USO1: variants seen among roughly 807,000 people sequenced by gnomAD.
USO1 encodes USO1 vesicle transport factor, also known as general vesicular transport factor p115.
Under a neutral mutation model 124.5 loss-of-function variants are expected in USO1, and 57 were observed. The ratio of observed to expected loss-of-function variants is 0.46; its 90% CI spans 0.37 to 0.57. USO1 has a LOEUF of 0.57. Ranked by LOEUF, USO1 falls within the 20% of genes least tolerant of loss-of-function variation. The pLI, the probability that USO1 is intolerant of heterozygous loss-of-function variation, is 0.00. For missense variants in USO1, 900 were observed against 1,040.6 expected (o/e 0.86, Z 1.86); for synonymous variants, 369 against 362.8 (o/e 1.02, Z -0.19).
At chr4:75,740,234 A>G (rs1466690928) in intron 1 of USO1, among the ~76,000 whole-genome samples, 1 of 152,196 alleles carries the variant, frequency 6.6e-6, no homozygotes, top group Non-Finnish European at 1.5e-5. Flanking sequence ...TGATCAGTTG[A>G]TGAAAATGTG....
Position 75,745,760 on chromosome 4 carries a change from C to T in USO1, c.67-6613C>T, listed in dbSNP as rs187386388. Among the ~76,000 whole-genome samples, 320 of 147,032 alleles carry T rather than the reference C, an allele frequency of 2.2e-3. 2 individuals are homozygous for T. Among genetic ancestry groups the T allele is most frequent in the African/African-American group, 8.1e-3 (301 of 37,260 alleles). The stretch of plus-strand genomic sequence containing the variant: ...ACTAAAATTACAAAAATTAGCCGGA[C>T]GTAGTGGCACATGTTTGTAATCCCA... On this transcript the variant is annotated intron_variant, in intron 1 of 23. Transcript: ENST00000514213.
intron 13 of USO1, among the ~76,000 whole-genome samples, chr4:75,796,033 A>T (rs916398023): frequency 1.3e-5 from 2 of 152,114 alleles, no homozygotes; most frequent in Non-Finnish European, 2.9e-5. Context: ...GTAGTAATAA[A>T]TGAGGTCCTG....
intron 4 of USO1, among the ~76,000 whole-genome samples, chr4:75,765,724 G>A (rs879756485): frequency 2.6e-4 from 39 of 151,544 alleles, no homozygotes; most frequent in African/African-American, 6.8e-4. Flanking sequence ...ACCTTCAAGC[G>A]TGTGTAAGTA....
intron 8 of USO1, among the ~76,000 whole-genome samples, chr4:75,781,344 T>C (rs576209338): frequency 4.6e-5 from 7 of 152,140 alleles, no homozygotes; most frequent in Non-Finnish European, 8.8e-5. Flanking sequence ...GAAGATGCTG[T>C]GAACATTGGT....
At chr4:75,753,107 T>C (rs1721335407) in intron 3 of USO1, among the ~76,000 whole-genome samples, 1 of 152,156 alleles carries the variant, frequency 6.6e-6, no homozygotes, top group African/African-American at 2.4e-5. Flanking sequence ...GAGTTAAGTG[T>C]TAAATATGAG....
rs374386417 is a variant in USO1, at chr4:75,793,789, C to T, written c.1340C>T (p.Ala447Val). The T allele has an allele frequency of 3.1e-5, 50 of 1,613,840 alleles. No individual in the cohort carries two copies. Among genetic ancestry groups the T allele is most frequent in the Non-Finnish European group, 3.8e-5 (45 of 1,179,882 alleles). Residue 447 changes from alanine (A) to valine (V), a missense_variant, in exon 13 of 24, where the codon GCG becomes GTG. By Grantham distance (64) the Ala-to-Val change is moderately conservative. Coordinates refer to ENST00000514213, the MANE Select transcript of USO1 (RefSeq NM_003715.4). Reference protein sequence around the residue: ...NWCAAVALAHALQENATQKEQ... With the variant: ...NWCAAVALAHVLQENATQKEQ... ...TGTGCTGCTGTGGCCCTTGCCCATG[C>T]GTTGCAAGAAAATGCCACCCAGAAA...
Position 75,803,284 on chromosome 4 carries a change from A to G in USO1, c.1987-850A>G, listed in dbSNP as rs541803797. Among the ~76,000 whole-genome samples, 3 of 151,890 alleles carry G rather than the reference A, an allele frequency of 2.0e-5. No homozygotes were observed. The South Asian group carries it at 6.2e-4, about 32-fold the overall frequency. ...TAAGTAAATTAAAGGCTACATAATT[A>G]TATATATATACCTATTGTGACAAAT... is the stretch of plus-strand genomic sequence containing the variant. On this transcript the variant is annotated intron_variant, in intron 17 of 23. Coordinates refer to ENST00000514213, the MANE Select transcript of USO1 (RefSeq NM_003715.4).
chr4:75,761,980 G>C (rs1291565841), intron 4 of USO1, among the ~76,000 whole-genome samples: 1 of 152,002 alleles, frequency 6.6e-6, no homozygotes, highest in Non-Finnish European at 1.5e-5. Context: ...AAGATCAGTA[G>C]TTGTTTCTAT....
intron 17 of USO1, among the ~76,000 whole-genome samples, chr4:75,802,284 A>C (rs1379921156): frequency 6.6e-6 from 1 of 152,226 alleles, no homozygotes; most frequent in African/African-American, 2.4e-5. Context: ...TTTCATCTAT[A>C]TCTGGGTACA....
intron 4 of USO1, among the ~76,000 whole-genome samples, chr4:75,757,851 G>T (rs1298845285): frequency 6.6e-6 from 1 of 151,928 alleles, no homozygotes; most frequent in East Asian, 1.9e-4. Flanking sequence ...TAGGCAGTAT[G>T]CATATTAGCC....
rs554869044 is a variant in USO1 at position 75,786,236 on chromosome 4, G to A, written c.856-826G>A. On this transcript the variant is annotated intron_variant, in intron 9 of 23. Transcript: ENST00000514213. ...CCATAGATCACAATATGTGTCGGCT[G>A]TAGTAATACAAGTGTTTTAGTTTAC... 2.4e-4 allele frequency among the ~76,000 whole-genome samples: 36 copies of A among 152,178 alleles called. No homozygotes were observed. The East Asian group carries it at 7.0e-3, about 29-fold the overall frequency.
intron 13 of USO1, chr4:75,795,322 T>C (rs572646138): frequency 3.0e-5 from 21 of 702,294 alleles, no homozygotes; most frequent in South Asian, 2.4e-4. Flanking sequence ...TAATTTGTAA[T>C]GTATAATTTG....
intron 1 of USO1, among the ~76,000 whole-genome samples, chr4:75,751,506 C>G (rs1721296692): frequency 2.7e-5 from 4 of 147,618 alleles, no homozygotes; most frequent in African/African-American, 9.9e-5. Context: ...GCCACTGAGC[C>G]CGGCCAAGAT....
chr4:75,738,036 T>C lies in USO1; in HGVS notation c.66+13151T>C, dbSNP rs550462374. Among the ~76,000 whole-genome samples the C allele has an allele frequency of 5.3e-5, 8 of 151,922 alleles. No homozygotes were observed. The South Asian group carries it at 6.2e-4, about 12-fold the overall frequency. ...TTTTAGTAGAGACAGAGTTTCACCA[T>C]GTTGGCCAGGCTGGTCTCGAACTCC... On this transcript the variant is annotated intron_variant, in intron 1 of 23. Coordinates refer to ENST00000514213, the MANE Select transcript of USO1 (RefSeq NM_003715.4).
chr4:75,808,594 T>C (rs1056030334), intron 20 of USO1, among the ~76,000 whole-genome samples: 11 of 152,200 alleles, frequency 7.2e-5, no homozygotes, highest in Admixed American at 2.6e-4. Context: ...TGTGCTGATT[T>C]AGTTATCACT....
chr4:75,734,685 C>G (rs138343081), intron 1 of USO1, among the ~76,000 whole-genome samples: 1 of 121,316 alleles, frequency 8.2e-6, no homozygotes, highest in South Asian at 3.0e-4. Flanking sequence ...ATAGGAATAG[C>G]GTTGAATCTG....
intron 13 of USO1, among the ~76,000 whole-genome samples, chr4:75,797,474 CTCT>C (rs1299363860): frequency 6.9e-6 from 1 of 144,042 alleles, no homozygotes; most frequent in African/African-American, 2.6e-5. Context: ...CCATTATTCT[CTCT>C]TTTTTCTTTT....
chr4:75,809,175 C>T (rs1723076177), intron 21 of USO1, 124 bp downstream of exon 21: 13 of 111,652 alleles, frequency 1.2e-4, no homozygotes, highest in Non-Finnish European at 1.8e-4. Flanking sequence ...ACTTACTAGC[C>T]GGTATTCTAG....
At chr4:75,812,633 A>G (rs1324465297) in intron 23 of USO1, among the ~76,000 whole-genome samples, 1 of 152,204 alleles carries the variant, frequency 6.6e-6, no homozygotes, top group Non-Finnish European at 1.5e-5. Flanking sequence ...TTGATTGGTA[A>G]CAAGACTGTA....
Sources: allele counts gnomAD v4.1 joint callset (sites outside exome capture counted in the v4.1 genomes callset), GRCh38; gene constraint gnomAD v4.1.1; transcripts MANE v1.5; gene names NCBI Gene and HGNC (gene_info 2026-07-23, HGNC 2026-07-21).